Variants in LRMDA observed in about 807,000 individuals in gnomAD.
The protein encoded by LRMDA is leucine-rich melanocyte differentiation-associated protein.
LRMDA carries 18 observed loss-of-function variants against 29.8 expected under a neutral mutation model. The observed-to-expected ratio is 0.60, with a 90% CI of 0.42 to 0.90. The LOEUF (loss-of-function observed/expected upper bound fraction) is 0.90. LRMDA is among the 40% of genes least tolerant of loss of function. The pLI, the probability that LRMDA is intolerant of heterozygous loss-of-function variation, is 0.00. For synonymous variants in LRMDA, 125 were observed against 109.4 expected (o/e 1.14, Z -0.89); for missense variants, 273 against 273.9 (o/e 1.00, Z 0.02).
intron 6 of LRMDA, among the ~76,000 whole-genome samples, chr10:76,468,894 AGAAAGAGAGG>A (rs1207497014): frequency 3.9e-5 from 6 of 152,188 alleles, no homozygotes; most frequent in African/African-American, 1.4e-4. Flanking sequence ...AGAGGAAGTG[AGAAAGAGAGG>A]GAAAGAGAGG....
intron 2 of LRMDA, among the ~76,000 whole-genome samples, chr10:75,757,397 G>T (rs936308188): frequency 4.6e-5 from 7 of 152,162 alleles, no homozygotes; most frequent in Admixed American, 3.9e-4. Context: ...TCAGTCACAG[G>T]TCACACCTGC....
intron 2 of LRMDA, among the ~76,000 whole-genome samples, chr10:75,563,891 G>A (rs1458273858): frequency 1.3e-5 from 2 of 151,428 alleles, no homozygotes; most frequent in Non-Finnish European, 2.9e-5. Context: ...TCCTCTGGAA[G>A]TTTTGTCTCA....
chr10:76,393,079 C>T (rs1841742554), intron 6 of LRMDA, among the ~76,000 whole-genome samples: 1 of 152,130 alleles, frequency 6.6e-6, no homozygotes, highest in African/African-American at 2.4e-5. Flanking sequence ...TTAATCCATT[C>T]ATTCATTGAT....
chr10:76,397,728 T>C (rs1841801792), intron 6 of LRMDA, among the ~76,000 whole-genome samples: 2 of 152,148 alleles, frequency 1.3e-5, no homozygotes, highest in Non-Finnish European at 2.9e-5. Context: ...TTTGAAGGCA[T>C]GCTCGCCTCA....
At chr10:75,521,118 G>A (rs1164522368) in intron 2 of LRMDA, among the ~76,000 whole-genome samples, 7 of 152,248 alleles carry the variant, frequency 4.6e-5, no homozygotes, top group Non-Finnish European at 8.8e-5. Flanking sequence ...GGTGTCTGTC[G>A]GCCCCTACTG....
chr10:75,770,001 G>T (rs1029548985), intron 2 of LRMDA, among the ~76,000 whole-genome samples: 1 of 151,736 alleles, frequency 6.6e-6, no homozygotes, highest in African/African-American at 2.4e-5. Context: ...ATTATTTTAG[G>T]TTGGGTGTGA....
intron 2 of LRMDA, among the ~76,000 whole-genome samples, chr10:75,875,444 T>G (rs904603439): frequency 6.6e-6 from 1 of 152,206 alleles, no homozygotes; most frequent in African/African-American, 2.4e-5. Flanking sequence ...CTTTTTCTTT[T>G]TTTTTTGAGA....
chr10:76,381,079 C>G (rs1194653872), intron 6 of LRMDA, among the ~76,000 whole-genome samples: 1 of 132,224 alleles, frequency 7.6e-6, no homozygotes, highest in African/African-American at 2.9e-5. Context: ...CTAATGGTCA[C>G]CAGGGTACTT....
chr10:75,906,772 A>G lies in LRMDA; in HGVS notation c.132-129236A>G, dbSNP rs1369103617. Among the ~76,000 whole-genome samples the G allele has an allele frequency of 2.0e-5, 3 of 152,372 alleles. No individual in the cohort carries two copies. The East Asian group carries it at 5.8e-4, about 29-fold the overall frequency. ...AAACAGGCCTGGCATTGATGCCGAA[A>G]CAAGGCAGTTTATTTCTAATGTGGT... On this transcript the variant is annotated intron_variant, in intron 2 of 6. Coordinates refer to ENST00000611255, the MANE Select transcript of LRMDA (RefSeq NM_001305581.2).
intron 6 of LRMDA, among the ~76,000 whole-genome samples, chr10:76,462,417 C>T (rs1357192590): frequency 1.3e-5 from 2 of 152,062 alleles, no homozygotes; most frequent in African/African-American, 4.8e-5. Context: ...AAAAGAATCC[C>T]CATAGAAAAG....
chr10:75,465,406 A>T (rs1372630304), intron 2 of LRMDA, among the ~76,000 whole-genome samples: 1 of 152,222 alleles, frequency 6.6e-6, no homozygotes, highest in Admixed American at 6.5e-5. Context: ...GTGCATGCAG[A>T]CACAGGCCAG....
chr10:75,940,898 C>T (rs1177950810), intron 2 of LRMDA, among the ~76,000 whole-genome samples: 2 of 152,052 alleles, frequency 1.3e-5, no homozygotes, highest in Non-Finnish European at 2.9e-5. Context: ...AGCTATTTCA[C>T]TGAGTGGGTT....
chr10:76,340,725 A>AT (rs757238428), intron 6 of LRMDA, among the ~76,000 whole-genome samples: 7 of 152,120 alleles, frequency 4.6e-5, no homozygotes, highest in Admixed American at 1.3e-4. Context: ...GAGAAGGACT[A>AT]TTCTACATTC....
At chr10:75,802,614 GT>G (rs565863144) in intron 2 of LRMDA, among the ~76,000 whole-genome samples, 48 of 148,634 alleles carry the variant, frequency 3.2e-4, no homozygotes, top group African/African-American at 7.6e-4. Flanking sequence ...GGGTAGTGTT[GT>G]TTTTTTTTTC....
Position 75,857,043 on chromosome 10 carries a change from C to T in LRMDA, c.132-178965C>T, listed in dbSNP as rs368198914. On this transcript the variant is annotated intron_variant, in intron 2 of 6. Coordinates refer to ENST00000611255, the MANE Select transcript of LRMDA (RefSeq NM_001305581.2). ...AGCATTCTTATACACCAATAACAGA[C>T]AAAAATGAGCGATTTAAACTTACTC... Among the ~76,000 whole-genome samples, 136 of 152,232 alleles carry T rather than the reference C, an allele frequency of 8.9e-4. 4 individuals carry two copies. In the South Asian group the frequency reaches 0.028, roughly 31 times the overall value.
intron 6 of LRMDA, among the ~76,000 whole-genome samples, chr10:76,349,819 C>T (rs1209264256): frequency 6.6e-6 from 1 of 151,886 alleles, no homozygotes; most frequent in African/African-American, 2.4e-5. Context: ...AATATATATG[C>T]CAATCCTAAG....
intron 2 of LRMDA, among the ~76,000 whole-genome samples, chr10:75,495,333 G>GT (rs146482676): frequency 0.011 from 1,685 of 147,986 alleles, 38 homozygotes; most frequent in African/African-American, 0.04. Context: ...GCCTTTTATG[G>GT]TTTTTTTTTT....
intron 2 of LRMDA, among the ~76,000 whole-genome samples, chr10:75,979,466 G>T (rs1320207173): frequency 6.6e-6 from 1 of 152,114 alleles, no homozygotes; most frequent in South Asian, 2.1e-4. Context: ...GTACCATGGG[G>T]TATGCTTTAA....
At chr10:76,114,613 A>G (rs568032172) in intron 5 of LRMDA, among the ~76,000 whole-genome samples, 1 of 152,174 alleles carries the variant, frequency 6.6e-6, no homozygotes, top group East Asian at 1.9e-4. Flanking sequence ...TCGAGTTTAC[A>G]TAGGTAGGAG....
Sources: gnomAD v4.1 joint callset for allele counts (sites outside exome capture counted in the v4.1 genomes callset) on GRCh38, gnomAD v4.1.1 for gene constraint, MANE v1.5 for transcripts, NCBI Gene and HGNC (gene_info 2026-07-23, HGNC 2026-07-21) for gene names.